The following ME3 variants were observed in gnomAD, a reference collection of about 807,000 sequenced individuals.
The protein encoded by ME3 is NADP-dependent malic enzyme, mitochondrial.
A neutral mutation model predicts 68.9 loss-of-function variants in ME3; 48 were observed. That is an observed-to-expected ratio of 0.70 (90% CI 0.55 to 0.89). The LOEUF (loss-of-function observed/expected upper bound fraction) is 0.89. Ranked by LOEUF, ME3 falls within the 40% of genes least tolerant of loss-of-function variation. The pLI is 0.00. For synonymous variants in ME3, 320 were observed against 318.8 expected (o/e 1.00, Z -0.04); for missense variants, 675 against 797.4 (o/e 0.85, Z 1.85).
chr11:86,640,940 G>A (rs1005604123), intron 2 of ME3, among the ~76,000 whole-genome samples: 9 of 151,892 alleles, frequency 5.9e-5, no homozygotes, highest in African/African-American at 2.2e-4. Flanking sequence ...GGAAAGATGG[G>A]GAAGAAGGTG....
At chr11:86,565,607 A>G (rs144422242) in intron 2 of ME3, among the ~76,000 whole-genome samples, 299 of 152,352 alleles carry the variant, frequency 2.0e-3, no homozygotes, top group Non-Finnish European at 3.1e-3. Flanking sequence ...CACTATGCTA[A>G]GTAAAATAAG....
At chr11:86,597,614 C>T (rs1168024911) in intron 2 of ME3, among the ~76,000 whole-genome samples, 1 of 152,184 alleles carries the variant, frequency 6.6e-6, no homozygotes, top group Non-Finnish European at 1.5e-5. Flanking sequence ...CCTGTTAATA[C>T]CTACGTGGGA....
At chr11:86,500,203 A>G (rs1952626622) in intron 5 of ME3, among the ~76,000 whole-genome samples, 1 of 152,176 alleles carries the variant, frequency 6.6e-6, no homozygotes, top group Admixed American at 6.5e-5. Context: ...GAGCTTCCTT[A>G]TTATGGTTCC....
intron 2 of ME3, among the ~76,000 whole-genome samples, chr11:86,652,469 C>T (rs927347763): frequency 6.6e-6 from 1 of 151,998 alleles, no homozygotes; most frequent in Non-Finnish European, 1.5e-5. Flanking sequence ...AATTTTCAAC[C>T]CAGAATTTCA....
Position 86,467,691 on chromosome 11 carries a change from TCTCA to T in ME3, c.810-2495_810-2492del, listed in dbSNP as rs1189187949. ...CTCTCTCTCTCTCTCTCTCTCTCTC[TCTCA>T]CACACACACACACACACCCCTTTAA... is the stretch of plus-strand genomic sequence containing the variant. On this transcript the variant is annotated intron_variant, in intron 7 of 14. Coordinates refer to ENST00000543262, the Ensembl canonical transcript of ME3. Among the ~76,000 whole-genome samples the T allele has an allele frequency of 3.5e-3, 480 of 137,038 alleles. 3 individuals are homozygous for T. Among genetic ancestry groups the T allele is most frequent in the African/African-American group, 0.013 (467 of 37,150 alleles). The allele number at this position is 137,038 out of a possible 152,430, so 89.9% of individuals were successfully genotyped here.
At chr11:86,564,883 A>C (rs1463725656) in intron 2 of ME3, among the ~76,000 whole-genome samples, 2 of 152,210 alleles carry the variant, frequency 1.3e-5, no homozygotes, top group African/African-American at 4.8e-5. Context: ...GCATCAAAGG[A>C]TACTATCAAG....
In ME3 at chr11:86,487,322, G is replaced by A. The variant is rs1380770081; in HGVS notation, c.809+15C>T. 1.9e-6 allele frequency: 3 copies of A among 1,607,174 alleles called. No individual in the cohort carries two copies. In the Admixed American group the frequency reaches 5.0e-5, roughly 27 times the overall value. Reference sequence around the variant, plus strand: ...TAAAAGTCCTCTTTCAAAAGGGACAGACTGGTCCACTTACTTGTCTGTCAC... The same window carrying A: ...TAAAAGTCCTCTTTCAAAAGGGACAAACTGGTCCACTTACTTGTCTGTCAC... On this transcript the variant is annotated intron_variant, in intron 7 of 14. Transcript: ENST00000543262.
At chr11:86,475,041 T>C (rs1038108860) in intron 7 of ME3, among the ~76,000 whole-genome samples, 1 of 152,258 alleles carries the variant, frequency 6.6e-6, no homozygotes, top group Admixed American at 6.5e-5. Context: ...GTCCATGTTA[T>C]AATCACAGGG....
chr11:86,456,574 C>T (rs1565802767), intron 8 of ME3, among the ~76,000 whole-genome samples: 1 of 152,090 alleles, frequency 6.6e-6, no homozygotes, highest in Non-Finnish European at 1.5e-5. Flanking sequence ...CTCTGCTGCT[C>T]AGACAGCCCT....
intron 2 of ME3, among the ~76,000 whole-genome samples, chr11:86,614,529 CA>C (rs1016114956): frequency 8.5e-5 from 13 of 152,244 alleles, no homozygotes; most frequent in African/African-American, 3.1e-4. Flanking sequence ...ATGGATCAAA[CA>C]GACACCAACC....
chr11:86,532,055 A>G (rs1326483093), intron 4 of ME3, among the ~76,000 whole-genome samples: 2 of 152,194 alleles, frequency 1.3e-5, no homozygotes, highest in Admixed American at 1.3e-4. Context: ...AATGTAAACC[A>G]AAGAAGAACA....
chr11:86,666,117 A>AT (rs896765191), intron 2 of ME3, among the ~76,000 whole-genome samples: 4 of 152,176 alleles, frequency 2.6e-5, no homozygotes, highest in Non-Finnish European at 5.9e-5. Context: ...ATAATGTAGA[A>AT]TTTTTAGCTG....
chr11:86,647,395 G>C (rs532549661), intron 2 of ME3, among the ~76,000 whole-genome samples: 1 of 151,888 alleles, frequency 6.6e-6, no homozygotes, highest in Non-Finnish European at 1.5e-5. Context: ...TGAGGCAGGA[G>C]AATGGCATGA....
intron 2 of ME3, among the ~76,000 whole-genome samples, chr11:86,560,746 G>GTTTATATATATATATATA: frequency 1.1e-5 from 1 of 90,280 alleles, no homozygotes; most frequent in African/African-American, 4.8e-5. Flanking sequence ...GTGTGTGTGT[G>GTTTATATATATATATATA]TGTATATATA....
intron 4 of ME3, among the ~76,000 whole-genome samples, chr11:86,527,234 C>A (rs1016145701): frequency 6.6e-6 from 1 of 152,092 alleles, no homozygotes; most frequent in Non-Finnish European, 1.5e-5. Context: ...GCCTCAGTAG[C>A]TGATTGGATC....
chr11:86,619,024 C>G (rs1943174123), intron 2 of ME3, among the ~76,000 whole-genome samples: 1 of 152,114 alleles, frequency 6.6e-6, no homozygotes, highest in Non-Finnish European at 1.5e-5. Context: ...CTGGTCATTT[C>G]TAAGTGTGTG....
At chr11:86,526,698 T>C (rs1260403879) in intron 4 of ME3, among the ~76,000 whole-genome samples, 3 of 152,160 alleles carry the variant, frequency 2.0e-5, no homozygotes, top group South Asian at 2.1e-4. Flanking sequence ...GCAGCAACAT[T>C]TGCTGTTCAC....
intron 2 of ME3, among the ~76,000 whole-genome samples, chr11:86,590,234 C>T (rs1053766270): frequency 6.6e-6 from 1 of 152,182 alleles, no homozygotes; most frequent in South Asian, 2.1e-4. Flanking sequence ...TATCTACTTA[C>T]GTTGCACCTA....
At chr11:86,662,972 A>G (rs983124485) in intron 2 of ME3, among the ~76,000 whole-genome samples, 14 of 152,162 alleles carry the variant, frequency 9.2e-5, no homozygotes, top group Non-Finnish European at 1.3e-4. Context: ...ATAGAGATGT[A>G]GACTCCCTCC....
Sources: gnomAD v4.1 joint callset for allele counts (sites outside exome capture counted in the v4.1 genomes callset) on GRCh38, gnomAD v4.1.1 for gene constraint, MANE v1.5 for transcripts, NCBI Gene and HGNC (gene_info 2026-07-23, HGNC 2026-07-21) for gene names.